The following ZFHX4 variants were observed in gnomAD, a reference collection of about 807,000 sequenced individuals.
The protein encoded by ZFHX4 is zinc finger homeobox 4.
In ZFHX4, 56 loss-of-function variants were observed where a neutral mutation model predicts 267.6. The ratio of observed to expected loss-of-function variants is 0.21; its 90% CI spans 0.17 to 0.26. The LOEUF is 0.26. ZFHX4 is among the 10% of genes least tolerant of loss of function. The pLI is 1.00. For synonymous variants in ZFHX4, 1,778 were observed against 1,665.6 expected (o/e 1.07, Z -1.64); for missense variants, 4,332 against 4,420.0 (o/e 0.98, Z 0.56).
At chr8:76,699,038 CTTTG>C (rs1050534695) in intron 1 of ZFHX4, among the ~76,000 whole-genome samples, 9 of 152,134 alleles carry the variant, frequency 5.9e-5, no homozygotes, top group Non-Finnish European at 1.2e-4. Flanking sequence ...ATAGACTGGT[CTTTG>C]TTTGTGTGGT....
rs776563576 is a variant in ZFHX4, at chr8:76,778,160, C to T, written c.3094-48C>T. On this transcript the variant is annotated intron_variant, in intron 3 of 10. Transcript: ENST00000651372. ...GGTGGGTGTCACCTGTTTTGTTATC[C>T]ACCATGGAGCTAGACCATTGTTCTA... 6.3e-6 allele frequency: 8 copies of T among 1,273,108 alleles called. No individual in the cohort carries two copies. The African/African-American group carries it at 8.8e-5, about 14-fold the overall frequency. The allele number at this position is 1,273,108 out of a possible 1,614,324, so 78.9% of individuals were successfully genotyped here. A position where few individuals can be genotyped will look rare whatever the true frequency, so the allele number is the denominator to read the frequency against.
At chr8:76,708,227 T>C in intron 3 of ZFHX4, 179 bp downstream of exon 3, 2 of 793,664 alleles carry the variant, frequency 2.5e-6, no homozygotes, top group Non-Finnish European at 3.9e-6. Flanking sequence ...ATTGAAGGCT[T>C]TATTTATAAA....
At chr8:76,845,951 CCTATTTTAAAATTTTCTGAT>C (rs1404785036) in intron 6 of ZFHX4, among the ~76,000 whole-genome samples, 4 of 151,766 alleles carry the variant, frequency 2.6e-5, no homozygotes, top group African/African-American at 9.7e-5. Context: ...AAATTATGAT[CCTATTTTAAAATTTTCTGAT>C]CTAGGGTAAT....
At chr8:76,715,049 G>C (rs1387423085) in intron 3 of ZFHX4, among the ~76,000 whole-genome samples, 2 of 152,126 alleles carry the variant, frequency 1.3e-5, no homozygotes, top group Admixed American at 1.3e-4. Context: ...TGCATAGCAA[G>C]ACTTTATTTA....
intron 3 of ZFHX4, among the ~76,000 whole-genome samples, chr8:76,718,704 G>A (rs561956544): frequency 2.0e-5 from 3 of 152,190 alleles, no homozygotes; most frequent in Non-Finnish European, 4.4e-5. Flanking sequence ...CATGAAGGTA[G>A]AGCTACTCTC....
At chr8:76,753,943 C>CA (rs57338006) in intron 3 of ZFHX4, among the ~76,000 whole-genome samples, 150,683 of 152,006 alleles carry the variant, frequency 0.99, 74,688 homozygotes, top group East Asian at 1. Flanking sequence ...TTTTTATATG[C>CA]AAAAAAATTA....
At chr8:76,729,993 T>C (rs996980) in intron 3 of ZFHX4, among the ~76,000 whole-genome samples, 4,982 of 152,286 alleles carry the variant, frequency 0.033, 110 homozygotes, top group Non-Finnish European at 0.046. Context: ...TCCGTGTAAC[T>C]GGGAGAAAAA....
chr8:76,837,408 T>G (rs1430901294), intron 5 of ZFHX4, among the ~76,000 whole-genome samples: 1 of 151,486 alleles, frequency 6.6e-6, no homozygotes, highest in East Asian at 1.9e-4. Context: ...CTGGTGACTT[T>G]GAGAGGAGGA....
At chr8:76,824,899 T>A (rs760069888) in intron 4 of ZFHX4, among the ~76,000 whole-genome samples, 22 of 152,190 alleles carry the variant, frequency 1.4e-4, no homozygotes, top group Non-Finnish European at 2.9e-4. Context: ...GCCAAGCCTT[T>A]ACAAATTGAT....
chr8:76,864,269 T>C lies in ZFHX4; in HGVS notation c.10555T>C (p.Ser3519Pro). ...TTCTAATAACACCTATCCTCATCTT[T>C]CTTGCTTCTCCATGAAGTCCTGGCC... is the stretch of plus-strand genomic sequence containing the variant. ...ASSNNTYPHLSCFSMKSWPNI... is the reference protein window; with the variant it reads ...ASSNNTYPHLPCFSMKSWPNI... The change falls in exon 11 of 11, where the codon TCT becomes CCT. Residue 3519 changes from serine (S) to proline (P), a missense_variant. Physicochemically the swap from Ser to Pro is moderately conservative, Grantham distance 74. This residue lies in a region of ZFHX4 where 1,648 missense variants were observed against 1,625.0 expected (regional missense o/e 1.01). Coordinates refer to ENST00000651372, the MANE Select transcript of ZFHX4 (RefSeq NM_024721.5). 1.2e-6 allele frequency: 2 copies of C among 1,613,926 alleles called. No individual in the cohort carries two copies. The highest frequency in any genetic ancestry group is 1.7e-6 in the Non-Finnish European group (2 of 1,179,854).
intron 4 of ZFHX4, among the ~76,000 whole-genome samples, chr8:76,827,555 A>C (rs1306500353): frequency 6.6e-6 from 1 of 152,246 alleles, no homozygotes; most frequent in Non-Finnish European, 1.5e-5. Context: ...TAGATTCTTA[A>C]ATGGAGAAAT....
chr8:76,718,532 C>CCAGTTTCATAACTGAATT (rs2131635061), intron 3 of ZFHX4, among the ~76,000 whole-genome samples: 1 of 152,080 alleles, frequency 6.6e-6, no homozygotes, highest in African/African-American at 2.4e-5. Flanking sequence ...AAAATACTCC[C>CCAGTTTCATAACTGAATT]CAGTTTCATA....
chr8:76,852,330 C>T lies in ZFHX4; in HGVS notation c.5409C>T (p.Tyr1803=), dbSNP rs1388209942. The change falls in exon 10 of 11, where the codon TAC becomes TAT. Residue 1803 remains tyrosine, a synonymous_variant. Transcript: ENST00000651372. The part of the protein sequence containing the change: ...LQILQQQAQQ[Y]QATQPQLQPQ... Reference sequence around the variant, plus strand: ...TACTACAGCAACAAGCACAACAATACCAAGCCACACAGCCCCAGCTGCAGC... The same window carrying T: ...TACTACAGCAACAAGCACAACAATATCAAGCCACACAGCCCCAGCTGCAGC... The T allele has an allele frequency of 1.9e-6, 3 of 1,553,892 alleles. No homozygotes were observed. The highest frequency in any genetic ancestry group is 2.6e-6 in the Non-Finnish European group (3 of 1,148,104).
Position 76,854,736 on chromosome 8 carries a change from T to A in ZFHX4, c.7815T>A (p.Asp2605Glu). 3.1e-6 allele frequency: 5 copies of A among 1,612,524 alleles called. No homozygotes were observed. Among genetic ancestry groups the A allele is most frequent in the Non-Finnish European group, 2.5e-6 (3 of 1,179,252 alleles). The change falls in exon 10 of 11, where the codon GAT becomes GAA. Residue 2605 changes from aspartate (D) to glutamate (E), a missense_variant. By Grantham distance (45) the Asp-to-Glu change is conservative. Around this residue, in one of 7 missense-constraint regions of ZFHX4, gnomAD observed 1,648 missense variants for 1,625.0 expected, o/e 1.01. Coordinates refer to ENST00000651372, the MANE Select transcript of ZFHX4 (RefSeq NM_024721.5). ...GGNSGEDQHR[D>E]KRLRTTITPE... ...ATAGCGGTGAAGACCAACACCGAGA[T>A]AAACGCTTGAGAACCACGATCACCC...
intron 3 of ZFHX4, among the ~76,000 whole-genome samples, chr8:76,759,432 C>A (rs763303591): frequency 1.1e-4 from 16 of 152,210 alleles, no homozygotes; most frequent in Non-Finnish European, 2.9e-5. Context: ...GCATCAATAG[C>A]ATAGTGATCT....
chr8:76,834,955 T>A (rs556294365), intron 5 of ZFHX4, among the ~76,000 whole-genome samples: 1 of 151,494 alleles, frequency 6.6e-6, no homozygotes, highest in Non-Finnish European at 1.5e-5. Flanking sequence ...ACTCTTTTTT[T>A]TTTCTTTTTT....
At chr8:76,845,169 G>C (rs1586002777) in intron 6 of ZFHX4, among the ~76,000 whole-genome samples, 1 of 152,044 alleles carries the variant, frequency 6.6e-6, no homozygotes, top group East Asian at 1.9e-4. Flanking sequence ...TAATCTGCAG[G>C]AGTAGAGCTT....
chr8:76,716,602 C>A (rs1203076573), intron 3 of ZFHX4, among the ~76,000 whole-genome samples: 5 of 152,054 alleles, frequency 3.3e-5, no homozygotes, highest in Admixed American at 1.3e-4. Flanking sequence ...ATAGGAAGAG[C>A]AGGTTATGGG....
intron 10 of ZFHX4, among the ~76,000 whole-genome samples, chr8:76,857,143 G>A (rs1366311778): frequency 6.6e-6 from 1 of 151,842 alleles, no homozygotes; most frequent in Non-Finnish European, 1.5e-5. Context: ...AATAAGTATA[G>A]GTATTCAATT....
Sources: allele counts gnomAD v4.1 joint callset (sites outside exome capture counted in the v4.1 genomes callset), GRCh38; gene constraint gnomAD v4.1.1; regional missense constraint gnomAD v4.1.1; transcripts MANE v1.5; gene names NCBI Gene and HGNC (gene_info 2026-07-23, HGNC 2026-07-21).